The following FAM24B variants were observed in gnomAD, a reference collection of about 807,000 sequenced individuals.
FAM24B encodes the protein family with sequence similarity 24 member B.
Under a neutral mutation model 2.3 loss-of-function variants are expected in FAM24B, and 3 were observed. That is an observed-to-expected ratio of 1.29 (90% CI 0.59 to 3.32). The LOEUF (loss-of-function observed/expected upper bound fraction) is 3.32. Ranked by LOEUF, FAM24B falls within the 30% of genes most tolerant of loss-of-function variation. The pLI is 0.03. For missense variants in FAM24B, 98 were observed against 117.2 expected (o/e 0.84, Z 0.76); for synonymous variants, 36 against 46.3 (o/e 0.78, Z 0.90).
At chr10:122,869,818 C>T (rs1019436495) in intron 1 of FAM24B, among the ~76,000 whole-genome samples, 12 of 151,804 alleles carry the variant, frequency 7.9e-5, no homozygotes. Context: ...ACTAAATGCC[C>T]ACAAGAGAAA....
chr10:122,862,451 A>T (rs1436568801), intron 1 of FAM24B, among the ~76,000 whole-genome samples: 1 of 152,204 alleles, frequency 6.6e-6, no homozygotes, highest in Non-Finnish European at 1.5e-5. Context: ...AAAAGTAAAT[A>T]CATGAAGTTA....
chr10:122,863,935 G>A (rs1429614288), intron 1 of FAM24B, among the ~76,000 whole-genome samples: 2 of 152,278 alleles, frequency 1.3e-5, no homozygotes, highest in East Asian at 1.9e-4. Context: ...ACCTGCCCTT[G>A]AATTGTACCA....
At chr10:122,858,907 G>A (rs1044699786) in intron 1 of FAM24B, among the ~76,000 whole-genome samples, 2 of 152,120 alleles carry the variant, frequency 1.3e-5, no homozygotes, top group African/African-American at 2.4e-5. Context: ...ATCTGAACAC[G>A]GTTCCTCTAG....
At chr10:122,871,145 G>C (rs1429078949) in intron 1 of FAM24B, among the ~76,000 whole-genome samples, 1 of 151,802 alleles carries the variant, frequency 6.6e-6, no homozygotes, top group Non-Finnish European at 1.5e-5. Context: ...ACCAACAACA[G>C]ACAAACAGAG....
At chr10:122,867,881 C>T (rs979181161) in intron 1 of FAM24B, among the ~76,000 whole-genome samples, 13 of 152,078 alleles carry the variant, frequency 8.5e-5, no homozygotes, top group East Asian at 1.9e-4. Context: ...AAAATCAGAG[C>T]GCCTCTCCTC....
chr10:122,857,738 G>T (rs1260144414), intron 1 of FAM24B, among the ~76,000 whole-genome samples: 2 of 152,122 alleles, frequency 1.3e-5, no homozygotes, highest in Non-Finnish European at 2.9e-5. Context: ...CAAGTTTTGA[G>T]GCTTTAATGA....
intron 2 of FAM24B, among the ~76,000 whole-genome samples, chr10:122,852,099 T>C (rs1847548259): frequency 6.6e-6 from 1 of 152,220 alleles, no homozygotes; most frequent in Non-Finnish European, 1.5e-5. Flanking sequence ...TTCTGGTTTC[T>C]GCACAAACAT....
rs1318024185 is a variant in FAM24B, at chr10:122,849,128, A to AT, written c.*118dup. The AT allele has an allele frequency of 1.4e-6, 1 of 705,356 alleles. No individual in the cohort carries two copies. Among genetic ancestry groups the AT allele is most frequent in the African/African-American group, 1.8e-5 (1 of 54,402 alleles). 43.7% of individuals were successfully genotyped at this position (705,356 alleles called of 1,614,324 possible). A position where few individuals can be genotyped will look rare whatever the true frequency, so the allele number is the denominator to read the frequency against. On this transcript the variant is annotated 3_prime_UTR_variant, in exon 4 of 4. Transcript: ENST00000368898. ...ATAGTGTACATTTATTCAAAAGTAT[A>AT]TAAAACAACACTGTAAATTATATAA...
At position 122,872,984 on chromosome 10, in the gene FAM24B, G is replaced by C. The variant is rs536549827; in HGVS notation, c.-178+6501C>G. ...AAAAAAGAACAGGTTGAAGCTAATA[G>C]AGGTCAGTTCATGAGGTTTAAAAAA... On this transcript the variant is annotated intron_variant, in intron 1 of 3. Coordinates refer to ENST00000368898, the MANE Select transcript of FAM24B (RefSeq NM_152644.3). Among the ~76,000 whole-genome samples the C allele has an allele frequency of 7.2e-5, 11 of 152,210 alleles. No homozygotes were observed. The South Asian group carries it at 1.9e-3, about 26-fold the overall frequency.
rs1295346086 is a variant in FAM24B, at chr10:122,849,364, C to T, written c.168G>A (p.Gln56=). 1 of 1,613,554 alleles carries T rather than the reference C, an allele frequency of 6.2e-7. No homozygotes were observed. Among genetic ancestry groups the T allele is most frequent in the South Asian group, 1.1e-5 (1 of 90,894 alleles). The change falls in exon 4 of 4, where the codon CAG becomes CAA. Residue 56 remains glutamine (Q), a synonymous_variant. Transcript: ENST00000368898. ...AAGACTCCGTGGCAATGGTTTTGGC[C>T]TGGCTGTTCTTGGCCCACCACACCT... The part of the protein sequence containing the change: ...PDKVWWAKNS[Q]AKTIATESCP...
intron 1 of FAM24B, among the ~76,000 whole-genome samples, chr10:122,876,420 C>T (rs1847977905): frequency 6.6e-6 from 1 of 152,170 alleles, no homozygotes; most frequent in Non-Finnish European, 1.5e-5. Context: ...AAAAAGGTTA[C>T]TTTGCCCCCT....
At chr10:122,851,725 C>T (rs1197582911) in intron 2 of FAM24B, among the ~76,000 whole-genome samples, 1 of 152,072 alleles carries the variant, frequency 6.6e-6, no homozygotes, top group African/African-American at 2.4e-5. Context: ...GAAAGTATGG[C>T]CCATAAAGGA....
chr10:122,860,746 GTTA>G (rs1258173564), intron 1 of FAM24B, among the ~76,000 whole-genome samples: 1 of 152,116 alleles, frequency 6.6e-6, no homozygotes, highest in Non-Finnish European at 1.5e-5. Flanking sequence ...GTATCTGGCT[GTTA>G]TTATTTGATT....
rs74163515 is a variant in FAM24B, at chr10:122,865,035, G to A, written c.-177-9249C>T. 3.0e-3 allele frequency among the ~76,000 whole-genome samples: 457 copies of A among 152,290 alleles called. 1 individual carries two copies. Among genetic ancestry groups the A allele is most frequent in the African/African-American group, 0.01 (430 of 41,578 alleles). ...AAGCCACTATAAAAATTCATATGCA[G>A]GTTTTTGTGTACCCATAGATTTTCA... is the stretch of plus-strand genomic sequence containing the variant. On this transcript the variant is annotated intron_variant, in intron 1 of 3. Transcript: ENST00000368898.
intron 1 of FAM24B, among the ~76,000 whole-genome samples, chr10:122,873,335 A>G (rs1847928440): frequency 6.6e-6 from 1 of 152,252 alleles, no homozygotes; most frequent in African/African-American, 2.4e-5. Flanking sequence ...ATTATGCTAA[A>G]TCTGCTCTGT....
chr10:122,854,108 T>C (rs1269534972), intron 2 of FAM24B, among the ~76,000 whole-genome samples: 1 of 152,210 alleles, frequency 6.6e-6, no homozygotes, highest in African/African-American at 2.4e-5. Context: ...TTTTTCTGAC[T>C]GAGCCTCTAA....
intron 1 of FAM24B, among the ~76,000 whole-genome samples, chr10:122,861,062 T>C (rs900247540): frequency 6.6e-6 from 1 of 152,194 alleles, no homozygotes; most frequent in African/African-American, 2.4e-5. Context: ...CTTTTATTCA[T>C]TGATTACATT....
Position 122,879,503 on chromosome 10 carries a change from C to G in FAM24B, c.-196G>C, listed in dbSNP as rs1350324033. ...CACCTACCTGACCATAGACGCTCCC[C>G]ATCCGCCCAGCAACCGTGGTCCATG... On this transcript the variant is annotated 5_prime_UTR_variant, in exon 1 of 4. It removes an upstream start codon present in the reference 5' UTR. Coordinates refer to ENST00000368898, the MANE Select transcript of FAM24B (RefSeq NM_152644.3). 1 of 152,536 alleles carries G rather than the reference C, an allele frequency of 6.6e-6. No individual in the cohort carries two copies. Among genetic ancestry groups the G allele is most frequent in the African/African-American group, 2.4e-5 (1 of 41,490 alleles). The allele number at this position is 152,536 out of a possible 1,614,324, so 9.4% of individuals were successfully genotyped here. A position where few individuals can be genotyped will look rare whatever the true frequency, so the allele number is the denominator to read the frequency against.
chr10:122,852,268 G>T (rs557043009), intron 2 of FAM24B, among the ~76,000 whole-genome samples: 1 of 152,216 alleles, frequency 6.6e-6, no homozygotes, highest in African/African-American at 2.4e-5. Flanking sequence ...GGTGAATACA[G>T]AGAATCCCAG....
Sources: allele counts gnomAD v4.1 joint callset (sites outside exome capture counted in the v4.1 genomes callset), GRCh38; gene constraint gnomAD v4.1.1; transcripts MANE v1.5; gene names NCBI Gene and HGNC (gene_info 2026-07-23, HGNC 2026-07-21).